The following PTPRM variants were observed in gnomAD, a reference collection of about 807,000 sequenced individuals.
PTPRM encodes the protein protein tyrosine phosphatase receptor type M, also known as receptor-type tyrosine-protein phosphatase mu.
A neutral mutation model predicts 186.7 loss-of-function variants in PTPRM; 47 were observed. The ratio of observed to expected loss-of-function variants is 0.25; its 90% confidence interval spans 0.20 to 0.32. The LOEUF is 0.32. Among genes scored for constraint, PTPRM ranks in the 10% least tolerant of loss-of-function variants. The pLI, the probability that PTPRM is intolerant of heterozygous loss-of-function variation, is 1.00. For synonymous variants in PTPRM, 668 were observed against 674.9 expected, an observed-to-expected ratio of 0.99 and a Z score of 0.16; for missense variants, 1,494 against 1,865.0, an observed-to-expected ratio of 0.80 and a Z score of 3.66.
At chr18:8,149,327 G>C (rs942427098) in intron 14 of PTPRM, among the ~76,000 whole-genome samples, 5 of 152,158 alleles carry the variant, frequency 3.3e-5, no homozygotes, top group African/African-American at 1.2e-4. Flanking sequence ...TTATGAATCT[G>C]GGTGCTCCTG....
intron 19 of PTPRM, among the ~76,000 whole-genome samples, chr18:8,262,055 C>G (rs1439049402): frequency 6.6e-6 from 1 of 152,270 alleles, no homozygotes; most frequent in East Asian, 1.9e-4. Flanking sequence ...GATGCTGTCA[C>G]CGCCCACTAA....
At position 7,732,459 on chromosome 18, in the gene PTPRM, T is replaced by C. The variant is rs79167312; in HGVS notation, c.74-41690T>C. On this transcript the variant is annotated intron_variant, in intron 1 of 32. Transcript: ENST00000580170. ...CCAGCTAAAATCAGGATTGTGTTAC[T>C]TTATTTGATCTTAATAAATTATAAT... Among the ~76,000 whole-genome samples, 765 of 152,358 alleles carry C rather than the reference T, an allele frequency of 5.0e-3. 4 individuals carry two copies. The highest frequency in any genetic ancestry group is 7.8e-3 in the Non-Finnish European group (532 of 68,042).
intron 1 of PTPRM, among the ~76,000 whole-genome samples, chr18:7,719,681 A>C (rs750759026): frequency 6.6e-6 from 1 of 152,244 alleles, no homozygotes; most frequent in African/African-American, 2.4e-5. Flanking sequence ...ATTCCTATTA[A>C]GTTTCCAAAC....
chr18:8,115,912 G>A (rs912921905), intron 13 of PTPRM, among the ~76,000 whole-genome samples: 1 of 152,164 alleles, frequency 6.6e-6, no homozygotes, highest in South Asian at 2.1e-4. Flanking sequence ...GCCAGGCATT[G>A]TGTGAGGTAC....
At chr18:7,578,332 ATTTTT>A (rs34096793) in intron 1 of PTPRM, among the ~76,000 whole-genome samples, 1 of 121,550 alleles carries the variant, frequency 8.2e-6, no homozygotes, top group Non-Finnish European at 1.7e-5. Flanking sequence ...TGGCTAATTA[ATTTTT>A]TTTTTTTTTT....
chr18:8,065,664 A>G (rs2089010041), intron 7 of PTPRM, among the ~76,000 whole-genome samples: 1 of 152,188 alleles, frequency 6.6e-6, no homozygotes, highest in Non-Finnish European at 1.5e-5. Flanking sequence ...TATCAATTCC[A>G]TTCTCAGTAG....
chr18:7,772,308 C>A (rs1193589239), intron 1 of PTPRM, among the ~76,000 whole-genome samples: 1 of 144,382 alleles, frequency 6.9e-6, no homozygotes, highest in Non-Finnish European at 1.5e-5. Context: ...TTCCTCTCTT[C>A]CTTCCTTCCT....
intron 11 of PTPRM, among the ~76,000 whole-genome samples, chr18:8,099,478 G>A (rs1324496653): frequency 1.3e-5 from 2 of 152,094 alleles, no homozygotes; most frequent in Non-Finnish European, 2.9e-5. Flanking sequence ...AACTGTAGAA[G>A]AATTTTTACT....
intron 1 of PTPRM, among the ~76,000 whole-genome samples, chr18:7,691,900 G>T (rs1266116438): frequency 1.3e-5 from 2 of 150,672 alleles, no homozygotes; most frequent in South Asian, 4.3e-4. Flanking sequence ...ATCCCAGGAG[G>T]TTAAGGAGGT....
intron 19 of PTPRM, among the ~76,000 whole-genome samples, chr18:8,257,926 G>A (rs116897582): frequency 1.3e-5 from 2 of 152,168 alleles, no homozygotes; most frequent in South Asian, 2.1e-4. Context: ...AAGTATGTCC[G>A]AACAAGAGCA....
At chr18:7,910,504 C>T (rs772432243) in intron 4 of PTPRM, among the ~76,000 whole-genome samples, 1 of 152,152 alleles carries the variant, frequency 6.6e-6, no homozygotes, top group Non-Finnish European at 1.5e-5. Context: ...TAGAGGTTTC[C>T]CATTGGTTAC....
intron 1 of PTPRM, among the ~76,000 whole-genome samples, chr18:7,660,078 C>T (rs1341949567): frequency 1.3e-5 from 2 of 152,104 alleles, no homozygotes; most frequent in African/African-American, 4.8e-5. Context: ...CAGTGGCTCA[C>T]ACCTGTAATC....
At chr18:7,873,855 A>C (rs567264671) in intron 2 of PTPRM, among the ~76,000 whole-genome samples, 8 of 152,240 alleles carry the variant, frequency 5.3e-5, no homozygotes, top group Non-Finnish European at 1.0e-4. Flanking sequence ...TCAATAAATC[A>C]AAACCCTGGA....
intron 7 of PTPRM, among the ~76,000 whole-genome samples, chr18:8,010,776 A>G (rs919311395): frequency 6.6e-6 from 1 of 152,184 alleles, no homozygotes; most frequent in Non-Finnish European, 1.5e-5. Context: ...ACCACAGGTC[A>G]GAAGAAGAGG....
At chr18:8,140,013 A>AT (rs954057116) in intron 13 of PTPRM, among the ~76,000 whole-genome samples, 24 of 152,102 alleles carry the variant, frequency 1.6e-4, no homozygotes, top group African/African-American at 5.6e-4. Flanking sequence ...ATATTGCTGG[A>AT]TTTTTTTCCT....
At chr18:7,820,781 C>T (rs1231931426) in intron 2 of PTPRM, among the ~76,000 whole-genome samples, 1 of 152,220 alleles carries the variant, frequency 6.6e-6, no homozygotes, top group Non-Finnish European at 1.5e-5. Flanking sequence ...TGGCTTCTCT[C>T]ATGGCAGCTG....
At chr18:7,801,050 C>A (rs1291378623) in intron 2 of PTPRM, among the ~76,000 whole-genome samples, 2 of 152,060 alleles carry the variant, frequency 1.3e-5, no homozygotes, top group Admixed American at 6.6e-5. Context: ...AGGTCTAGGA[C>A]ATTACTTGAC....
intron 4 of PTPRM, among the ~76,000 whole-genome samples, chr18:7,925,766 T>C (rs543580441): frequency 1.2e-4 from 19 of 152,328 alleles, no homozygotes; most frequent in African/African-American, 4.6e-4. Flanking sequence ...AATGTTTTCC[T>C]AAAAGTAGAA....
In PTPRM at chr18:8,086,400, G is replaced by A. The variant is rs149433688; in HGVS notation, c.1753+528G>A. On this transcript the variant is annotated intron_variant, in intron 10 of 32. Coordinates refer to ENST00000580170, the MANE Select transcript of PTPRM (RefSeq NM_001105244.2). ...TTAATTATGCCATCTAACAAAAGAC[G>A]TAATTTGAGAAATATTTCTAGGCAT... is the stretch of plus-strand genomic sequence containing the variant. Among the ~76,000 whole-genome samples, 1,150 of 152,190 alleles carry A rather than the reference G, an allele frequency of 7.6e-3. 7 individuals carry two copies. The highest frequency in any genetic ancestry group is 0.03 in the South Asian group (143 of 4,822).
Sources: allele counts gnomAD v4.1 joint callset (sites outside exome capture counted in the v4.1 genomes callset), GRCh38; gene constraint gnomAD v4.1.1; transcripts MANE v1.5; gene names NCBI Gene and HGNC (gene_info 2026-07-23, HGNC 2026-07-21).